The following HDLBP variants were observed in gnomAD, a reference collection of about 807,000 sequenced individuals.
HDLBP encodes vigilin.
In HDLBP, 30 loss-of-function variants were observed where a neutral mutation model predicts 137.3. The ratio of observed to expected loss-of-function variants is 0.22; its 90% CI spans 0.16 to 0.30. HDLBP has a LOEUF of 0.30. Ranked by LOEUF, HDLBP falls within the 10% of genes least tolerant of loss-of-function variation. The pLI, the probability that HDLBP is intolerant of heterozygous loss-of-function variation, is 1.00. For synonymous variants in HDLBP, 606 were observed against 596.0 expected (o/e 1.02, Z -0.24); for missense variants, 1,119 against 1,667.3 (o/e 0.67, Z 5.73).
At position 241,238,781 on chromosome 2, in the gene HDLBP, G is replaced by A. The variant is rs1437547989; in HGVS notation, c.2617C>T (p.Gln873Ter). ...IQEIIEDLEA[Q>*]VTLECAIPQK... ...GGTATAGCACATTCTAATGTCACCT[G>A]AGCTTCCTGGAGGGAGGTACACAAA... The change falls in exon 20 of 28, where the codon CAG becomes TAG. Residue 873 changes from glutamine to a stop codon, truncating the protein, a stop_gained. Coordinates refer to ENST00000310931, the MANE Select transcript of HDLBP (RefSeq NM_005336.6). LOFTEE classifies it high-confidence loss of function. This position sits in a 1 kb window ranked among gnomAD's most constrained non-coding sequence, Gnocchi z 4.9. 6.7e-7 allele frequency: 1 copy of A among 1,502,180 alleles called. No individual in the cohort carries two copies. The highest frequency in any genetic ancestry group is 9.0e-7 in the Non-Finnish European group (1 of 1,114,848). 93.1% of individuals were successfully genotyped at this position (1,502,180 alleles called of 1,614,324 possible).
intron 9 of HDLBP, among the ~76,000 whole-genome samples, 193 bp from the exon 10 acceptor site, chr2:241,253,690 T>C (rs965511737): frequency 2.0e-5 from 3 of 152,140 alleles, no homozygotes; most frequent in African/African-American, 7.2e-5. Context: ...GTCAGGAAAC[T>C]AAATACTGTG....
chr2:241,237,512 G>A lies in HDLBP; in HGVS notation c.2750-743C>T, dbSNP rs538040906. On this transcript the variant is annotated intron_variant, in intron 20 of 27. Transcript: ENST00000310931. Reference sequence around the variant, plus strand: ...CAGGAGACCAGACAGACGCCTGCCTGAAATCAAGGGTGATCCTAGGATGGG... The same window carrying A: ...CAGGAGACCAGACAGACGCCTGCCTAAAATCAAGGGTGATCCTAGGATGGG... Among the ~76,000 whole-genome samples the A allele has an allele frequency of 2.0e-5, 3 of 152,310 alleles. No homozygotes were observed. The South Asian group carries it at 6.2e-4, about 32-fold the overall frequency.
chr2:241,289,913 G>A (rs747320300), intron 1 of HDLBP, among the ~76,000 whole-genome samples: 21 of 151,958 alleles, frequency 1.4e-4, no homozygotes, highest in Non-Finnish European at 2.9e-5. Flanking sequence ...TGGGATGAAT[G>A]GACTTCAGAA....
rs762301321 is a variant in HDLBP at position 241,240,177 on chromosome 2, G to A, written c.2170-55C>T. The A allele has an allele frequency of 3.9e-6, 6 of 1,553,100 alleles. No homozygotes were observed. The highest frequency in any genetic ancestry group is 5.3e-6 in the Non-Finnish European group (6 of 1,124,484). ...TGACACCACGTGCCTGGACCACAGT[G>A]AGGAAGACAAGAGGGTCTGTAGGAC... On this transcript the variant is annotated intron_variant, in intron 17 of 27. Coordinates refer to ENST00000310931, the MANE Select transcript of HDLBP (RefSeq NM_005336.6). The surrounding 1 kb of genome is among the most constrained non-coding windows in gnomAD (Gnocchi z 5.5).
chr2:241,272,400 C>T lies in HDLBP; in HGVS notation c.-102-3859G>A. 2.0e-6 allele frequency: 2 copies of T among 984,792 alleles called. No homozygotes were observed. Among genetic ancestry groups the T allele is most frequent in the African/African-American group, 1.7e-5 (1 of 57,282 alleles). The allele number at this position is 984,792 out of a possible 1,614,324, so 61.0% of individuals were successfully genotyped here. A position where few individuals can be genotyped will look rare whatever the true frequency, so the allele number is the denominator to read the frequency against. The stretch of plus-strand genomic sequence containing the variant: ...GCCGCCCCTCCGCGCCGTGCGGCCA[C>T]GGCACCAGGGGTGCCCCACCGAAGC... On this transcript the variant is annotated intron_variant, in intron 1 of 27. Transcript: ENST00000310931. The surrounding 1 kb of genome is among the most constrained non-coding windows in gnomAD (Gnocchi z 5.6).
chr2:241,280,194 T>C, intron 1 of HDLBP: 1 of 890,388 alleles, frequency 1.1e-6, no homozygotes, highest in Non-Finnish European at 1.3e-6. Context: ...ATTTGAAAGC[T>C]GAAAATTTAA....
intron 3 of HDLBP, among the ~76,000 whole-genome samples, chr2:241,265,780 C>T (rs948813289): frequency 6.6e-5 from 10 of 152,216 alleles, no homozygotes; most frequent in Admixed American, 6.5e-5. Context: ...TACCCGACAG[C>T]GCTGACAGGA....
Position 241,229,967 on chromosome 2 carries a change from G to A in HDLBP, c.3592-6C>T, listed in dbSNP as rs1272674188. 2 of 1,592,762 alleles carry A rather than the reference G, an allele frequency of 1.3e-6. No individual in the cohort carries two copies. The highest frequency in any genetic ancestry group is 2.2e-5 in the East Asian group (1 of 44,586). On this transcript the variant is annotated splice_region_variant and splice_polypyrimidine_tract_variant and intron_variant, in intron 26 of 27. Coordinates refer to ENST00000310931, the MANE Select transcript of HDLBP (RefSeq NM_005336.6). ...CTGTCCACCACGTCAGCTAGCTGCA[G>A]GCAGAAGACAGGAAGACAGGGTCAG...
intron 3 of HDLBP, among the ~76,000 whole-genome samples, chr2:241,265,636 T>C (rs1365552855): frequency 1.3e-5 from 2 of 152,224 alleles, no homozygotes; most frequent in African/African-American, 2.4e-5. Context: ...GGACTGAGCA[T>C]GGCGTCTTGG....
At position 241,247,271 on chromosome 2, in the gene HDLBP, T is replaced by C. The variant is rs1040111374; in HGVS notation, c.1732-129A>G. On this transcript the variant is annotated intron_variant, in intron 14 of 27. Coordinates refer to ENST00000310931, the MANE Select transcript of HDLBP (RefSeq NM_005336.6). Reference sequence around the variant, plus strand: ...ATTTGCAAACAAACCTTCAGAGGTTTGTCATGAGGGTAAGTGAGATAGATC... The same window carrying C: ...ATTTGCAAACAAACCTTCAGAGGTTCGTCATGAGGGTAAGTGAGATAGATC... 9 of 667,418 alleles carry C rather than the reference T, an allele frequency of 1.3e-5. No individual in the cohort carries two copies. The Admixed American group carries it at 1.9e-4, about 14-fold the overall frequency. The allele number at this position is 667,418 out of a possible 1,614,324, so 41.3% of individuals were successfully genotyped here.
At chr2:241,291,668 A>G (rs1417950039) in intron 1 of HDLBP, among the ~76,000 whole-genome samples, 2 of 152,258 alleles carry the variant, frequency 1.3e-5, no homozygotes, top group South Asian at 2.1e-4. Flanking sequence ...TCTTCACTTT[A>G]TAATTGTCAG....
At chr2:241,261,714 G>A (rs1490906308) in intron 5 of HDLBP, among the ~76,000 whole-genome samples, 1 of 152,220 alleles carries the variant, frequency 6.6e-6, no homozygotes, top group Non-Finnish European at 1.5e-5. Context: ...ACACTTAATG[G>A]TTTAACTCCA....
In HDLBP at chr2:241,255,143, C is replaced by CGGT. The variant is rs2072512265; in HGVS notation, c.1093_1095dup (p.Thr365dup). The CGGT allele has an allele frequency of 9.3e-6, 15 of 1,613,952 alleles. No individual in the cohort carries two copies. The highest frequency in any genetic ancestry group is 1.3e-5 in the Non-Finnish European group (15 of 1,179,968). ...CAGGAAGGGGCGGCGACAGAGGAGA[C>CGGT]GGTGAAGCTATTGGCCTAAGAAAAT... On this transcript the variant is annotated inframe_insertion, in exon 9 of 28. Coordinates refer to ENST00000310931, the MANE Select transcript of HDLBP (RefSeq NM_005336.6).
intron 1 of HDLBP, among the ~76,000 whole-genome samples, chr2:241,295,639 T>C (rs1300192782): frequency 2.6e-5 from 4 of 152,164 alleles, no homozygotes; most frequent in African/African-American, 7.2e-5. Context: ...CACCCAAAGA[T>C]AGGGAATCCC....
intron 5 of HDLBP, among the ~76,000 whole-genome samples, chr2:241,259,357 T>C (rs2072976535): frequency 6.6e-6 from 1 of 152,214 alleles, no homozygotes; most frequent in Non-Finnish European, 1.5e-5. Flanking sequence ...CTGAAAGTAC[T>C]TTATTATATA....
At chr2:241,251,957 C>T (rs2072231278) in intron 11 of HDLBP, among the ~76,000 whole-genome samples, 1 of 152,048 alleles carries the variant, frequency 6.6e-6, no homozygotes, top group Non-Finnish European at 1.5e-5. Flanking sequence ...AGCCTGGTGA[C>T]AGAGCGAGAC....
rs913481475 is a variant in HDLBP at position 241,272,048 on chromosome 2, C to T, written c.-102-3507G>A. The T allele has an allele frequency of 2.7e-6, 1 of 370,542 alleles. No individual in the cohort carries two copies. Among genetic ancestry groups the T allele is most frequent in the Non-Finnish European group, 3.7e-6 (1 of 267,554 alleles). The allele number at this position is 370,542 out of a possible 1,614,324, so 23.0% of individuals were successfully genotyped here. On this transcript the variant is annotated intron_variant, in intron 1 of 27. Coordinates refer to ENST00000310931, the MANE Select transcript of HDLBP (RefSeq NM_005336.6). The surrounding 1 kb of genome is among the most constrained non-coding windows in gnomAD (Gnocchi z 5.6). ...AAAGGGACAGCAACCCCTCGGCCTC[C>T]CCGCCTTTCATCCAAATTCGGTACT...
chr2:241,235,255 CCTA>C lies in HDLBP; in HGVS notation c.3010-3_3010-1del. The C allele has an allele frequency of 6.2e-7, 1 of 1,614,170 alleles. No homozygotes were observed. The highest frequency in any genetic ancestry group is 8.5e-7 in the Non-Finnish European group (1 of 1,180,038). On this transcript the variant is annotated splice_acceptor_variant and splice_polypyrimidine_tract_variant and intron_variant, in intron 22 of 27. Transcript: ENST00000310931. LOFTEE classifies it high-confidence loss of function. ...TCAGGTGCCGGGACATGTATGTTCACCTACGTGAAGAGGGGGCTGACTTGACGT... is the reference window on the plus strand; with the variant it reads ...TCAGGTGCCGGGACATGTATGTTCACCGTGAAGAGGGGGCTGACTTGACGT...
intron 1 of HDLBP, among the ~76,000 whole-genome samples, chr2:241,274,223 G>C (rs2074306340): frequency 6.6e-6 from 1 of 152,096 alleles, no homozygotes; most frequent in African/African-American, 2.4e-5. Flanking sequence ...AAGCCTAGGA[G>C]CCAGCAGAAA....
Sources: gnomAD v4.1 joint callset for allele counts (sites outside exome capture counted in the v4.1 genomes callset) on GRCh38, gnomAD v4.1.1 for gene constraint, Gnocchi (gnomAD v3.1) non-coding constraint, MANE v1.5 for transcripts, NCBI Gene and HGNC (gene_info 2026-07-23, HGNC 2026-07-21) for gene names.